The following CLVS1 variants were observed in gnomAD, a reference collection of about 807,000 sequenced individuals.
CLVS1 encodes the protein clavesin 1, also known as clavesin-1.
CLVS1 carries 10 observed loss-of-function variants against 33.1 expected under a neutral mutation model. That is an observed-to-expected ratio of 0.30 (90% confidence interval 0.19 to 0.51). The LOEUF (loss-of-function observed/expected upper bound fraction) is 0.51, where lower values mean the gene tolerates loss of function less well. CLVS1 is among the 20% of genes least tolerant of loss of function. The pLI is 0.97. For missense variants in CLVS1, 343 were observed against 433.4 expected (o/e 0.79, Z 1.85); for synonymous variants, 163 against 166.1 (o/e 0.98, Z 0.14).
At chr8:60,987,997 A>G in the CLVS1 span, among the ~76,000 whole-genome samples, 3,963 of 152,316 alleles carry the variant, frequency 0.026, 179 homozygotes, top group African/African-American at 0.09. Context: ...GGAGTGAGCC[A>G]GGAATCTGAG....
At chr8:61,130,904 C>T (rs1806081914) in intron 1 of CLVS1, among the ~76,000 whole-genome samples, 1 of 152,190 alleles carries the variant, frequency 6.6e-6, no homozygotes, top group African/African-American at 2.4e-5. Context: ...TCTAAAATTC[C>T]AGACTCATCA....
chr8:61,385,345 A>G (rs182334899), intron 3 of CLVS1, among the ~76,000 whole-genome samples: 10 of 152,274 alleles, frequency 6.6e-5, no homozygotes, highest in Middle Eastern at 3.4e-3. Context: ...TACACTATGT[A>G]ATATATTAGC....
At chr8:61,325,171 CT>C (rs1811337716) in intron 2 of CLVS1, among the ~76,000 whole-genome samples, 1 of 152,016 alleles carries the variant, frequency 6.6e-6, no homozygotes, top group Admixed American at 6.6e-5. Flanking sequence ...GACATCTTTT[CT>C]TTTCCTTAAG....
At chr8:61,252,856 G>T (rs1000772669) in intron 2 of CLVS1, among the ~76,000 whole-genome samples, 2 of 152,120 alleles carry the variant, frequency 1.3e-5, no homozygotes, top group Non-Finnish European at 2.9e-5. Context: ...ACACTGATGG[G>T]TCTTGGCTCT....
chr8:61,500,947 T>G lies in CLVS1; in HGVS notation c.*1405T>G, dbSNP rs1334280205. The G allele has an allele frequency of 1.3e-5, 2 of 152,184 alleles. No individual in the cohort carries two copies. Among genetic ancestry groups the G allele is most frequent in the South Asian group, 2.1e-4 (1 of 4,834 alleles). The allele number at this position is 152,184 out of a possible 1,614,324, so 9.4% of individuals were successfully genotyped here. On this transcript the variant is annotated 3_prime_UTR_variant, in exon 6 of 6. Coordinates refer to ENST00000325897, the MANE Select transcript of CLVS1 (RefSeq NM_173519.3). The stretch of plus-strand genomic sequence containing the variant: ...CTAATCTTAATTATTTATTACATCA[T>G]CTCTTTCTCAATGGATCTAATGTTT...
chr8:61,384,979 G>A (rs933142707), intron 3 of CLVS1, among the ~76,000 whole-genome samples: 2 of 152,146 alleles, frequency 1.3e-5, no homozygotes, highest in Admixed American at 6.5e-5. Context: ...GCAGTGGTGG[G>A]GGTGTCATCT....
At chr8:61,336,683 CAG>C (rs1811819724) in intron 2 of CLVS1, among the ~76,000 whole-genome samples, 1 of 152,024 alleles carries the variant, frequency 6.6e-6, no homozygotes, top group Non-Finnish European at 1.5e-5. Flanking sequence ...AATAATCCAA[CAG>C]AATGGGAAAG....
the CLVS1 span, among the ~76,000 whole-genome samples, chr8:61,047,136 A>G: frequency 1.3e-5 from 2 of 152,224 alleles, no homozygotes; most frequent in Non-Finnish European, 2.9e-5. Context: ...CCCATCGAAA[A>G]GTGGGCGAAG....
chr8:61,469,229 C>T (rs1763877248), intron 5 of CLVS1, among the ~76,000 whole-genome samples: 1 of 152,258 alleles, frequency 6.6e-6, no homozygotes, highest in Non-Finnish European at 1.5e-5. Context: ...ATTACACCAT[C>T]TGTGCAGATC....
chr8:61,495,483 G>A (rs1371687983), intron 5 of CLVS1, among the ~76,000 whole-genome samples: 6 of 152,156 alleles, frequency 3.9e-5, no homozygotes, highest in African/African-American at 1.4e-4. Context: ...CCCAAAACAG[G>A]GAAAGGGGAA....
At chr8:61,473,770 C>G (rs1407817098) in intron 5 of CLVS1, among the ~76,000 whole-genome samples, 2 of 152,096 alleles carry the variant, frequency 1.3e-5, no homozygotes, top group Non-Finnish European at 2.9e-5. Flanking sequence ...CAGGAATGAC[C>G]AGAGGTCTTT....
In CLVS1 at chr8:61,163,232, A is replaced by G. The variant is rs375301252; in HGVS notation, c.-152+31372A>G. ...GTCAACAGGATCTTTTGGCTTCTTT[A>G]GTCTATTTCCGGGAGTGAATTTTTG... is the stretch of plus-strand genomic sequence containing the variant. On this transcript the variant is annotated intron_variant, in intron 2 of 2. Coordinates refer to the CLVS1 transcript ENST00000522621. Among the ~76,000 whole-genome samples, 12 of 152,290 alleles carry G rather than the reference A, an allele frequency of 7.9e-5. No individual in the cohort carries two copies. In the East Asian group the frequency reaches 1.2e-3, roughly 15 times the overall value.
At position 61,458,458 on chromosome 8, in the gene CLVS1, A is replaced by G; in HGVS notation, c.893A>G (p.Tyr298Cys). ...LGPDYSDEND[Y>C]THTSYNAMHV... ...CCCGACTACAGCGATGAAAATGACT[A>G]TACTCACACATCCTATAATGCAATG... Residue 298 changes from tyrosine to cysteine, a missense_variant, in exon 5 of 6, where the codon TAT becomes TGT. Transcript: ENST00000325897. The G allele has an allele frequency of 6.2e-7, 1 of 1,613,980 alleles. No homozygotes were observed. Among genetic ancestry groups the G allele is most frequent in the Non-Finnish European group, 8.5e-7 (1 of 1,179,946 alleles).
At chr8:61,017,744 G>A in the CLVS1 span, among the ~76,000 whole-genome samples, 5 of 152,224 alleles carry the variant, frequency 3.3e-5, no homozygotes, top group African/African-American at 4.8e-5. Flanking sequence ...TGCACTGGCT[G>A]TGAGAGAGGG....
chr8:61,397,582 G>T (rs1374106464), intron 3 of CLVS1, among the ~76,000 whole-genome samples: 1 of 152,060 alleles, frequency 6.6e-6, no homozygotes, highest in Non-Finnish European at 1.5e-5. Flanking sequence ...TCATATCCAA[G>T]AAACCATTGC....
At chr8:61,247,860 T>C (rs1010164971) in intron 2 of CLVS1, among the ~76,000 whole-genome samples, 1 of 152,200 alleles carries the variant, frequency 6.6e-6, no homozygotes, top group East Asian at 1.9e-4. Flanking sequence ...ATTTTGCTTA[T>C]TCCTAGGTCC....
At chr8:61,287,829 C>A (rs1809824218), upstream of CLVS1, 3 of 333,570 alleles carry the variant, frequency 9.0e-6, no homozygotes, top group South Asian at 7.0e-5. Flanking sequence ...GACGCTGGTA[C>A]TTTTTGTCCC....
chr8:61,380,680 T>G (rs867607016), intron 3 of CLVS1, among the ~76,000 whole-genome samples: 3 of 152,204 alleles, frequency 2.0e-5, no homozygotes, highest in Non-Finnish European at 4.4e-5. Context: ...TGTTTAAATT[T>G]TAATCAAACA....
intron 3 of CLVS1, among the ~76,000 whole-genome samples, chr8:61,405,591 T>A (rs1814954685): frequency 6.6e-6 from 1 of 151,846 alleles, no homozygotes; most frequent in Non-Finnish European, 1.5e-5. Flanking sequence ...CTAAGTAACA[T>A]AACAGGGCCC....
Sources: allele counts gnomAD v4.1 joint callset (sites outside exome capture counted in the v4.1 genomes callset), GRCh38; gene constraint gnomAD v4.1.1; transcripts MANE v1.5; gene names NCBI Gene and HGNC (gene_info 2026-07-23, HGNC 2026-07-21).